DIAPH2: variants seen among roughly 807,000 people sequenced by gnomAD.
The protein encoded by DIAPH2 is diaphanous related formin 2, also known as protein diaphanous homolog 2.
In DIAPH2, 35 loss-of-function variants were observed where a neutral mutation model predicts 92.7. That is an observed-to-expected ratio of 0.38 (90% CI 0.29 to 0.50). The LOEUF is 0.50. Ranked by LOEUF, DIAPH2 falls within the 20% of genes least tolerant of loss-of-function variation. DIAPH2 has a pLI of 0.94. For synonymous variants in DIAPH2, 301 were observed against 280.4 expected, an observed-to-expected ratio of 1.07 and a Z score of -0.73; for missense variants, 701 against 819.5, an observed-to-expected ratio of 0.86 and a Z score of 1.77.
intron 25 of DIAPH2, among the ~76,000 whole-genome samples, chrX:97,425,756 C>T (rs1446886957): frequency 9.7e-6 from 1 of 103,106 alleles, no homozygotes; most frequent in South Asian, 4.5e-4. Flanking sequence ...ACTCCAACCT[C>T]GGCAACAGAG....
intron 17 of DIAPH2, among the ~76,000 whole-genome samples, chrX:97,072,699 G>C (rs766488086): frequency 1.8e-5 from 2 of 111,798 alleles, no homozygotes; most frequent in South Asian, 7.5e-4. Context: ...GTAAGAAGGA[G>C]CAATTGATTT....
intron 4 of DIAPH2, among the ~76,000 whole-genome samples, chrX:96,847,668 C>G (rs1439046430): frequency 2.7e-5 from 3 of 109,878 alleles, no homozygotes; most frequent in Admixed American, 9.7e-5. Context: ...GGTACATGTG[C>G]AAGTTTGTTA....
At chrX:97,058,127 A>G (rs1165724284) in intron 17 of DIAPH2, among the ~76,000 whole-genome samples, 1 of 111,729 alleles carries the variant, frequency 9.0e-6, no homozygotes, top group Non-Finnish European at 1.9e-5. Flanking sequence ...ATCGTTGAAC[A>G]GTATAATCTC....
chrX:97,566,076 T>A (rs1321896199), intron 26 of DIAPH2, among the ~76,000 whole-genome samples: 1 of 112,163 alleles, frequency 8.9e-6, no homozygotes, highest in Non-Finnish European at 1.9e-5. Flanking sequence ...CTTCCCCAAT[T>A]TTGTACGTTT....
intron 23 of DIAPH2, among the ~76,000 whole-genome samples, chrX:97,336,147 C>T (rs1279947854): frequency 9.0e-6 from 1 of 110,962 alleles, no homozygotes; most frequent in African/African-American, 3.3e-5. Context: ...TTTCCAGACT[C>T]ATGGCCTACC....
chrX:97,216,650 G>T (rs1443109836), intron 22 of DIAPH2, among the ~76,000 whole-genome samples: 1 of 110,935 alleles, frequency 9.0e-6, no homozygotes, highest in African/African-American at 3.3e-5. Context: ...AGAGAAGAAG[G>T]GGGTATATAG....
At chrX:97,552,166 G>GA (rs993901023) in intron 26 of DIAPH2, among the ~76,000 whole-genome samples, 2 of 111,593 alleles carry the variant, frequency 1.8e-5, no homozygotes, top group Non-Finnish European at 3.8e-5. Flanking sequence ...TTGAGTATAG[G>GA]AATTAACAAA....
chrX:97,095,203 G>A (rs1434734463), intron 19 of DIAPH2, among the ~76,000 whole-genome samples: 3 of 84,893 alleles, frequency 3.5e-5, no homozygotes, highest in African/African-American at 1.4e-4. Context: ...TGCAAGCTCT[G>A]CCTCCCGGGT....
At chrX:96,958,542 C>A (rs763634730) in intron 16 of DIAPH2, among the ~76,000 whole-genome samples, 12 of 111,662 alleles carry the variant, frequency 1.1e-4, no homozygotes, top group Non-Finnish European at 1.9e-4. Flanking sequence ...ATTTAGGATA[C>A]CCATCACCTT....
chrX:96,810,265 C>G (rs1349997025), intron 4 of DIAPH2, among the ~76,000 whole-genome samples: 1 of 112,172 alleles, frequency 8.9e-6, no homozygotes, highest in South Asian at 3.7e-4. Context: ...TCTCTGATGA[C>G]CAGTGATGAT....
intron 26 of DIAPH2, among the ~76,000 whole-genome samples, chrX:97,455,422 A>G (rs1018178772): frequency 8.9e-6 from 1 of 112,055 alleles, no homozygotes; most frequent in Non-Finnish European, 1.9e-5. Context: ...TGATGTTTCT[A>G]CCGTTTGATG....
chrX:96,860,322 G>A (rs2065066003), intron 4 of DIAPH2, among the ~76,000 whole-genome samples: 1 of 111,800 alleles, frequency 8.9e-6, no homozygotes, highest in African/African-American at 3.3e-5. Flanking sequence ...GGTTTGGATA[G>A]ATAAATGTGC....
At chrX:96,919,485 A>G (rs2065526951) in intron 9 of DIAPH2, among the ~76,000 whole-genome samples, 1 of 111,287 alleles carries the variant, frequency 9.0e-6, no homozygotes, top group South Asian at 3.7e-4. Context: ...AAATTCTCTG[A>G]ATTTTTTTTT....
chrX:97,554,652 C>G (rs781159409), intron 26 of DIAPH2, among the ~76,000 whole-genome samples: 8 of 111,916 alleles, frequency 7.1e-5, no homozygotes, highest in Non-Finnish European at 1.3e-4. Context: ...ACTACAGATT[C>G]AGGAATACCT....
chrX:97,456,738 T>C (rs960689943), intron 26 of DIAPH2, among the ~76,000 whole-genome samples: 11 of 111,246 alleles, frequency 9.9e-5, no homozygotes, highest in African/African-American at 3.6e-4. Flanking sequence ...AATACAATAA[T>C]ATAAAAAAAA....
intron 25 of DIAPH2, among the ~76,000 whole-genome samples, chrX:97,411,965 C>T (rs1017248936): frequency 1.8e-5 from 2 of 111,504 alleles, no homozygotes; most frequent in African/African-American, 6.5e-5. Flanking sequence ...GAGACTTTAA[C>T]ACCCCACTGT....
At chrX:97,336,266 A>G (rs746650089) in intron 23 of DIAPH2, among the ~76,000 whole-genome samples, 1 of 84,961 alleles carries the variant, frequency 1.2e-5, no homozygotes, top group African/African-American at 4.6e-5. Context: ...TTTTTTTGAG[A>G]CGGAGTCTCG....
At chrX:96,696,202 G>A (rs765889569) in intron 1 of DIAPH2, among the ~76,000 whole-genome samples, 8 of 111,474 alleles carry the variant, frequency 7.2e-5, no homozygotes, top group Middle Eastern at 4.6e-3. Context: ...AGCTGTGATC[G>A]TACCACTGCA....
chrX:96,790,078 T>A (rs2064488452), intron 4 of DIAPH2, among the ~76,000 whole-genome samples: 1 of 109,492 alleles, frequency 9.1e-6, no homozygotes, highest in African/African-American at 3.3e-5. Context: ...TTTTTGTTTT[T>A]TTTTTTTTGA....
Sources: allele counts gnomAD v4.1 joint callset (sites outside exome capture counted in the v4.1 genomes callset), GRCh38; gene constraint gnomAD v4.1.1; transcripts MANE v1.5; gene names NCBI Gene and HGNC (gene_info 2026-07-23, HGNC 2026-07-21).